The following MAD1L1 variants were observed in gnomAD, a reference collection of about 807,000 sequenced individuals.
MAD1L1 encodes mitotic arrest deficient 1 like 1.
MAD1L1 carries 95 observed loss-of-function variants against 96.9 expected under a neutral mutation model. The ratio of observed to expected loss-of-function variants is 0.98; its 90% CI spans 0.83 to 1.16. The LOEUF is 1.16. MAD1L1 is among the 50% of genes most tolerant of loss of function. The pLI is 0.00. For synonymous variants in MAD1L1, 473 were observed against 396.6 expected (o/e 1.19, Z -2.29); for missense variants, 1,007 against 954.4 (o/e 1.06, Z -0.73).
chr7:2,178,589 G>A (rs189886533), intron 10 of MAD1L1, among the ~76,000 whole-genome samples: 1 of 152,284 alleles, frequency 6.6e-6, no homozygotes, highest in East Asian at 1.9e-4. Context: ...CCATGAAATG[G>A]AACAGTTCTT....
rs541839838 is a variant in MAD1L1 at position 2,026,431 on chromosome 7, A to AT, written c.1219-11790dup. Among the ~76,000 whole-genome samples the AT allele has an allele frequency of 1.4e-3, 211 of 152,372 alleles. 1 individual carries two copies. The highest frequency in any genetic ancestry group is 4.7e-3 in the African/African-American group (197 of 41,590). On this transcript the variant is annotated intron_variant, in intron 12 of 18. Coordinates refer to ENST00000265854, the MANE Select transcript of MAD1L1 (RefSeq NM_001013836.2). ...AAACATCATTAAAGAAATGTGAAGAATAAGATTAACAAATGATATGTAGCT... is the reference window on the plus strand; with the variant it reads ...AAACATCATTAAAGAAATGTGAAGAATTAAGATTAACAAATGATATGTAGCT...
chr7:2,079,655 C>T (rs1262170254), intron 11 of MAD1L1: 5 of 470,950 alleles, frequency 1.1e-5, no homozygotes, highest in Non-Finnish European at 2.2e-5. Flanking sequence ...CAATTCACTC[C>T]CAACCATAAT....
intron 12 of MAD1L1, among the ~76,000 whole-genome samples, chr7:2,023,808 G>C (rs1782884808): frequency 6.6e-6 from 1 of 152,014 alleles, no homozygotes; most frequent in Non-Finnish European, 1.5e-5. Flanking sequence ...AATTAGCCAG[G>C]CGTGGTGGCA....
At chr7:1,906,690 G>A (rs1020250356) in intron 17 of MAD1L1, among the ~76,000 whole-genome samples, 2 of 152,356 alleles carry the variant, frequency 1.3e-5, no homozygotes, top group African/African-American at 4.8e-5. Flanking sequence ...CCAGGCCTGT[G>A]CGCACTGTCA....
chr7:2,040,783 T>C (rs1331077305), intron 12 of MAD1L1, among the ~76,000 whole-genome samples: 1 of 152,180 alleles, frequency 6.6e-6, no homozygotes, highest in African/African-American at 2.4e-5. Flanking sequence ...ACTATGCTCA[T>C]TCCATAGATA....
chr7:2,223,752 T>C (rs1196196012), intron 4 of MAD1L1: 1 of 152,238 alleles, frequency 6.6e-6, no homozygotes, highest in Non-Finnish European at 1.5e-5. Flanking sequence ...CTCAGCACCA[T>C]CACAGCCAGA....
intron 10 of MAD1L1, chr7:2,193,311 C>T (rs12112306): frequency 0.3 from 45,171 of 152,772 alleles, 8,593 homozygotes; most frequent in East Asian, 0.69. Context: ...ACAGCCACCA[C>T]GTCCTGGAGA....
intron 11 of MAD1L1, among the ~76,000 whole-genome samples, chr7:2,089,607 C>G: frequency 6.7e-6 from 1 of 150,240 alleles, no homozygotes; most frequent in Non-Finnish European, 1.5e-5. Context: ...CCACCGCACA[C>G]GCCCACCCAT....
Position 2,142,520 on chromosome 7 carries a change from G to A in MAD1L1, c.1073+6632C>T, listed in dbSNP as rs1453073200. On this transcript the variant is annotated intron_variant, in intron 11 of 18. Transcript: ENST00000265854. The surrounding 1 kb of genome is among the most constrained non-coding windows in gnomAD (Gnocchi z 4.7). ...CACGCGGGTTCTCTGCTGCCGGACGGAGCGCCCCTAGCTGCCACTGAGCCC... is the reference window on the plus strand; with the variant it reads ...CACGCGGGTTCTCTGCTGCCGGACGAAGCGCCCCTAGCTGCCACTGAGCCC... Among the ~76,000 whole-genome samples, 1 of 152,230 alleles carries A rather than the reference G, an allele frequency of 6.6e-6. No individual in the cohort carries two copies. Among genetic ancestry groups the A allele is most frequent in the Non-Finnish European group, 1.5e-5 (1 of 68,040 alleles).
chr7:2,060,005 A>C (rs1458106037), intron 12 of MAD1L1, among the ~76,000 whole-genome samples: 1 of 152,218 alleles, frequency 6.6e-6, no homozygotes, highest in Non-Finnish European at 1.5e-5. Context: ...TAAATGGTGG[A>C]ACATGTGGCA....
intron 11 of MAD1L1, among the ~76,000 whole-genome samples, chr7:2,108,689 G>T (rs55942951): frequency 0.027 from 4,123 of 152,304 alleles, 98 homozygotes; most frequent in South Asian, 0.09. Context: ...GGCAGAGGGG[G>T]TTTCACTCTG....
intron 11 of MAD1L1, among the ~76,000 whole-genome samples, chr7:2,111,433 TAC>T (rs1787375577): frequency 6.6e-6 from 1 of 152,124 alleles, no homozygotes; most frequent in South Asian, 2.1e-4. Flanking sequence ...ATGAATGAGG[TAC>T]AGTCTTTCCC....
At chr7:2,026,144 G>A (rs1366256600) in intron 12 of MAD1L1, among the ~76,000 whole-genome samples, 1 of 152,092 alleles carries the variant, frequency 6.6e-6, no homozygotes, top group Non-Finnish European at 1.5e-5. Flanking sequence ...AGGTGCCAAT[G>A]CTATTAAACA....
chr7:2,094,921 C>T (rs917584212), intron 11 of MAD1L1, among the ~76,000 whole-genome samples: 18 of 152,100 alleles, frequency 1.2e-4, no homozygotes, highest in Admixed American at 4.6e-4. Context: ...ATGGTGATGC[C>T]GTGTTCATGG....
chr7:1,978,510 G>C (rs1780748548), intron 15 of MAD1L1, among the ~76,000 whole-genome samples: 1 of 152,184 alleles, frequency 6.6e-6, no homozygotes, highest in African/African-American at 2.4e-5. Context: ...GCTTTCTCCA[G>C]TCACATTCTT....
chr7:2,221,258 G>A (rs1169869327), intron 5 of MAD1L1, among the ~76,000 whole-genome samples: 2 of 152,040 alleles, frequency 1.3e-5, no homozygotes, highest in African/African-American at 2.4e-5. Context: ...ACAGGTGCCC[G>A]CAGGCAGCGG....
At chr7:2,084,966 T>C (rs1385768608) in intron 11 of MAD1L1, among the ~76,000 whole-genome samples, 1 of 152,180 alleles carries the variant, frequency 6.6e-6, no homozygotes, top group African/African-American at 2.4e-5. Flanking sequence ...GTCACGTTTA[T>C]GTGTTTCCCA....
In MAD1L1 at chr7:2,219,336, G is replaced by A; in HGVS notation, c.592C>T (p.His198Tyr). The stretch of plus-strand genomic sequence containing the variant: ...CCACACCCTGGCCCCGCCCACTTGT[G>A]TTGCAGGTCCAGCTGCTCCTGCAGC... ...QELQEQLDLQ[H>Y]KKCQEANQKI... Residue 198 changes from histidine (H) to tyrosine (Y), a missense_variant, in exon 6 of 19, where the codon CAC (histidine) becomes TAC (tyrosine). Transcript: ENST00000265854. 6.4e-7 allele frequency: 1 copy of A among 1,572,562 alleles called. No individual in the cohort carries two copies. Among genetic ancestry groups the A allele is most frequent in the Non-Finnish European group, 8.6e-7 (1 of 1,158,610 alleles).
chr7:2,220,781 A>G, intron 5 of MAD1L1: 1 of 1,187,336 alleles, frequency 8.4e-7, no homozygotes, highest in Non-Finnish European at 1.2e-6. Flanking sequence ...TCACCACAAC[A>G]GTGAAGCATC....
Sources: allele counts gnomAD v4.1 joint callset (sites outside exome capture counted in the v4.1 genomes callset), GRCh38; gene constraint gnomAD v4.1.1; non-coding constraint Gnocchi (gnomAD v3.1); transcripts MANE v1.5; gene names NCBI Gene and HGNC (gene_info 2026-07-23, HGNC 2026-07-21).